CFAP68: variants seen among roughly 807,000 people sequenced by gnomAD.
The protein encoded by CFAP68 is cilia- and flagella-associated protein 68.
chr11:111,882,269 C>A, the CFAP68 span: 1 of 930,640 alleles, frequency 1.1e-6, no homozygotes, highest in Non-Finnish European at 1.7e-6. Flanking sequence ...GTACGGTGTG[C>A]TTGTGTTATA....
At chr11:111,884,525 G>C in the CFAP68 span, 1 of 151,446 alleles carries the variant, frequency 6.6e-6, no homozygotes, top group Non-Finnish European at 1.5e-5. Context: ...AACCACTGTG[G>C]TCTTCCCTTC....
the CFAP68 span, chr11:111,884,104 T>G: frequency 2.5e-6 from 1 of 402,010 alleles, no homozygotes; most frequent in Non-Finnish European, 4.4e-6. Context: ...TGTTGTTGTT[T>G]TAACCAAGAT....
At chr11:111,885,692 T>A in the CFAP68 span, 29 of 152,342 alleles carry the variant, frequency 1.9e-4, no homozygotes, top group Non-Finnish European at 3.4e-4. Flanking sequence ...ATCTACTGTG[T>A]AAGAAGACAC....
the CFAP68 span, among the ~76,000 whole-genome samples, chr11:111,881,892 T>C: frequency 6.6e-6 from 1 of 152,186 alleles, no homozygotes; most frequent in Non-Finnish European, 1.5e-5. Context: ...TAAAGTTTTA[T>C]GTGAGTTGAA....
the CFAP68 span, among the ~76,000 whole-genome samples, chr11:111,883,586 C>CT: frequency 2.6e-3 from 389 of 148,902 alleles, no homozygotes; most frequent in African/African-American, 9.0e-3. Flanking sequence ...GAGTGAGACT[C>CT]TATCTCAAAA....
the CFAP68 span, chr11:111,881,514 T>G: frequency 1.3e-6 from 2 of 1,536,056 alleles, no homozygotes; most frequent in Middle Eastern, 1.7e-4. Flanking sequence ...GTTGACATCT[T>G]TAAAGAACAT....
chr11:111,880,441 G>A, the CFAP68 span, among the ~76,000 whole-genome samples: 4 of 152,222 alleles, frequency 2.6e-5, no homozygotes, highest in Admixed American at 6.5e-5. Context: ...TAAAGACCTT[G>A]CTGATAAAAC....
At chr11:111,883,318 A>G in the CFAP68 span, 1 of 880,320 alleles carries the variant, frequency 1.1e-6, no homozygotes, top group Non-Finnish European at 1.8e-6. Flanking sequence ...GGCTGGGCGC[A>G]GTGGCTCACA....
At chr11:111,885,220 C>T in the CFAP68 span, 1 of 148,520 alleles carries the variant, frequency 6.7e-6, no homozygotes, top group African/African-American at 2.5e-5. Flanking sequence ...TGGCTCACAC[C>T]TAATCCCAGC....
At chr11:111,883,558 A>G in the CFAP68 span, among the ~76,000 whole-genome samples, 1 of 151,554 alleles carries the variant, frequency 6.6e-6, no homozygotes. Context: ...AAGCCACTGC[A>G]CTCCTGCCTG....
chr11:111,882,754 C>T, the CFAP68 span, among the ~76,000 whole-genome samples: 1 of 152,148 alleles, frequency 6.6e-6, no homozygotes, highest in Non-Finnish European at 1.5e-5. Context: ...CGCAGCTGAA[C>T]CACCTATGCT....
At chr11:111,879,631 C>A in the CFAP68 span, 2 of 1,606,230 alleles carry the variant, frequency 1.2e-6, no homozygotes, top group Non-Finnish European at 1.7e-6. Flanking sequence ...ATCTTCTATT[C>A]GTTCAAGAAA....
the CFAP68 span, chr11:111,882,338 A>G: frequency 1.3e-6 from 2 of 1,579,258 alleles, no homozygotes; most frequent in Non-Finnish European, 1.7e-6. Flanking sequence ...GGTTTATGCA[A>G]TAAGCTTTTC....
chr11:111,882,556 T>G, the CFAP68 span: 10 of 1,612,554 alleles, frequency 6.2e-6, no homozygotes, highest in Non-Finnish European at 8.5e-6. Context: ...AGGAAAGATA[T>G]GACCTGAGGA....
chr11:111,881,320 C>G, the CFAP68 span: 1 of 1,446,338 alleles, frequency 6.9e-7, no homozygotes, highest in South Asian at 1.5e-5. Context: ...GTGCATGCAT[C>G]TGTCTTCACA....
At chr11:111,879,626 C>T in the CFAP68 span, 1 of 1,608,528 alleles carries the variant, frequency 6.2e-7, no homozygotes, top group Non-Finnish European at 8.5e-7. Context: ...CTCCTATCTT[C>T]TATTCGTTCA....
At chr11:111,883,953 TAA>T in the CFAP68 span, 2 of 1,131,858 alleles carry the variant, frequency 1.8e-6, no homozygotes, top group Non-Finnish European at 2.6e-6. Flanking sequence ...TAAGAAATGA[TAA>T]GATACTTCAC....
chr11:111,881,507 G>C, the CFAP68 span: 1 of 1,535,994 alleles, frequency 6.5e-7, no homozygotes, highest in Admixed American at 2.0e-5. Flanking sequence ...CAGGTTTGTT[G>C]ACATCTTTAA....
At chr11:111,883,888 A>T in the CFAP68 span, 30 of 1,532,456 alleles carry the variant, frequency 2.0e-5, no homozygotes, top group Non-Finnish European at 2.6e-5. Flanking sequence ...TAAATTGGGC[A>T]TCACTCAGGA....
Sources: gnomAD v4.1 joint callset for allele counts (sites outside exome capture counted in the v4.1 genomes callset) on GRCh38, gnomAD v4.1.1 for gene constraint, MANE v1.5 for transcripts, NCBI Gene and HGNC (gene_info 2026-07-23, HGNC 2026-07-21) for gene names.